The following DPP6 variants were observed in gnomAD, a reference collection of about 807,000 sequenced individuals.
DPP6 encodes dipeptidyl peptidase like 6, also known as A-type potassium channel modulatory protein DPP6.
A neutral mutation model predicts 122.6 loss-of-function variants in DPP6; 69 were observed. The observed-to-expected ratio is 0.56, with a 90% CI of 0.46 to 0.69. The LOEUF is 0.69. Ranked by LOEUF, DPP6 falls within the 30% of genes least tolerant of loss-of-function variation. DPP6 has a pLI of 0.00. For synonymous variants in DPP6, 418 were observed against 433.1 expected, an observed-to-expected ratio of 0.97 and a Z score of 0.43; for missense variants, 928 against 1,116.9, an observed-to-expected ratio of 0.83 and a Z score of 2.41.
chr7:154,747,554 G>A (rs1044314926), intron 8 of DPP6, among the ~76,000 whole-genome samples: 4 of 152,212 alleles, frequency 2.6e-5, no homozygotes, highest in Admixed American at 6.5e-5. Context: ...TGTGCGAATC[G>A]CCATACTGTG....
Position 154,014,881 on chromosome 7 carries a change from C to G in DPP6, c.51+127147C>G, listed in dbSNP as rs575771173. Among the ~76,000 whole-genome samples, 23 of 151,942 alleles carry G rather than the reference C, an allele frequency of 1.5e-4. No homozygotes were observed. The East Asian group carries it at 4.5e-3, about 30-fold the overall frequency. ...ACTAAGGATCCCATTAAAGGTCAAA[C>G]CATCTAATTCTTAATCTCACGGCAC... is the stretch of plus-strand genomic sequence containing the variant. On this transcript the variant is annotated intron_variant, in intron 1 of 25. Transcript: ENST00000404039.
chr7:154,540,232 G>C (rs1015580215), intron 3 of DPP6, among the ~76,000 whole-genome samples: 5 of 152,196 alleles, frequency 3.3e-5, no homozygotes, highest in African/African-American at 9.7e-5. Flanking sequence ...TGGCTCCTTG[G>C]AGTATCTGCT....
intron 8 of DPP6, among the ~76,000 whole-genome samples, chr7:154,729,305 G>T (rs1842221724): frequency 6.6e-6 from 1 of 152,132 alleles, no homozygotes; most frequent in Non-Finnish European, 1.5e-5. Flanking sequence ...GCTTTCTCAA[G>T]CCAGTATCAC....
intron 3 of DPP6, among the ~76,000 whole-genome samples, chr7:154,536,324 G>T (rs908245762): frequency 6.6e-6 from 1 of 152,116 alleles, no homozygotes; most frequent in African/African-American, 2.4e-5. Context: ...GGGCATAGAG[G>T]TCTTTCACAT....
intron 3 of DPP6, among the ~76,000 whole-genome samples, chr7:154,519,109 G>C (rs1296600819): frequency 6.6e-6 from 1 of 152,200 alleles, no homozygotes; most frequent in Non-Finnish European, 1.5e-5. Context: ...TTCAGATGAT[G>C]GGTTCTACCT....
At chr7:154,671,098 A>G (rs1026780418) in intron 7 of DPP6, among the ~76,000 whole-genome samples, 1 of 152,164 alleles carries the variant, frequency 6.6e-6, no homozygotes, top group African/African-American at 2.4e-5. Context: ...TTACACAGGG[A>G]AAAAAATGCA....
At chr7:153,925,569 T>G (rs1800858273) in intron 1 of DPP6, among the ~76,000 whole-genome samples, 1 of 151,888 alleles carries the variant, frequency 6.6e-6, no homozygotes, top group African/African-American at 2.4e-5. Flanking sequence ...CCACTCCATA[T>G]GGTGGAGGGT....
chr7:154,499,218 G>C (rs1480598099), intron 3 of DPP6, among the ~76,000 whole-genome samples: 1 of 152,204 alleles, frequency 6.6e-6, no homozygotes, highest in Non-Finnish European at 1.5e-5. Flanking sequence ...CATTAGAGAA[G>C]AAAGGAGTAA....
chr7:154,710,443 G>A (rs1445608704), intron 7 of DPP6, among the ~76,000 whole-genome samples: 3 of 152,248 alleles, frequency 2.0e-5, no homozygotes. Flanking sequence ...GGTTCTGAGT[G>A]CCAGAGTGTT....
chr7:153,776,927 A>G, the DPP6 span, among the ~76,000 whole-genome samples: 1 of 152,244 alleles, frequency 6.6e-6, no homozygotes, highest in African/African-American at 2.4e-5. Context: ...TAATTTTAAA[A>G]CTGTTGAAAG....
At chr7:154,565,037 G>A (rs1274553135) in intron 4 of DPP6, among the ~76,000 whole-genome samples, 2 of 152,216 alleles carry the variant, frequency 1.3e-5, no homozygotes, top group Non-Finnish European at 1.5e-5. Flanking sequence ...CAAGAAGGCT[G>A]TGAACGCCTT....
chr7:154,014,364 G>A (rs1486832287), intron 1 of DPP6, among the ~76,000 whole-genome samples: 1 of 145,310 alleles, frequency 6.9e-6, no homozygotes, highest in Non-Finnish European at 1.5e-5. Flanking sequence ...CGTTGTTCTG[G>A]TCAAAATAAT....
upstream of DPP6, among the ~76,000 whole-genome samples, chr7:153,885,009 T>C (rs976685987): frequency 1.4e-5 from 2 of 145,870 alleles, no homozygotes; most frequent in South Asian, 2.2e-4. Flanking sequence ...TATATATATA[T>C]ATATATATAT....
At chr7:154,525,512 G>A (rs1361934386) in intron 3 of DPP6, among the ~76,000 whole-genome samples, 1 of 152,132 alleles carries the variant, frequency 6.6e-6, no homozygotes, top group Non-Finnish European at 1.5e-5. Flanking sequence ...GAAAATCTTA[G>A]CTCCTAATAA....
At chr7:154,617,334 T>C (rs973885758) in intron 5 of DPP6, among the ~76,000 whole-genome samples, 2 of 152,232 alleles carry the variant, frequency 1.3e-5, no homozygotes, top group Non-Finnish European at 2.9e-5. Flanking sequence ...GGCAATTGTT[T>C]TTGTGTGCAG....
At position 154,794,102 on chromosome 7, in the gene DPP6, A is replaced by G; in HGVS notation, c.1160A>G (p.Lys387Arg). The G allele has an allele frequency of 6.2e-7, 1 of 1,613,682 alleles. No individual in the cohort carries two copies. The highest frequency in any genetic ancestry group is 1.6e-4 in the Middle Eastern group (1 of 6,062). Residue 387 changes from lysine (K) to arginine (R), a missense_variant, in exon 11 of 26, where the codon AAG becomes AGG. Transcript: ENST00000377770. ...RMREYYITMV[K>R]WATSTKVAVT... is the part of the protein sequence containing the mutation. The stretch of plus-strand genomic sequence containing the variant: ...AGGGAGTACTACATCACCATGGTGA[A>G]GTGGGCCACCAGCACCAAGGTCGCC...
At chr7:153,793,472 A>G in the DPP6 span, among the ~76,000 whole-genome samples, 30,774 of 109,870 alleles carry the variant, frequency 0.28, 1,768 homozygotes, top group Middle Eastern at 0.38. Context: ...AAGCAGCAAA[A>G]CATTCAAGAG....
chr7:154,715,680 C>G (rs529192543), intron 7 of DPP6, among the ~76,000 whole-genome samples: 10 of 152,140 alleles, frequency 6.6e-5, no homozygotes, highest in Non-Finnish European at 1.3e-4. Flanking sequence ...TTGATGTTCC[C>G]CTGGCTGTCA....
chr7:153,896,502 A>G (rs182287840), intron 1 of DPP6, among the ~76,000 whole-genome samples: 2 of 152,304 alleles, frequency 1.3e-5, no homozygotes, highest in Non-Finnish European at 1.5e-5. Context: ...GAATTAACAC[A>G]TGAACAATTT....
Sources: allele counts gnomAD v4.1 joint callset (sites outside exome capture counted in the v4.1 genomes callset), GRCh38; gene constraint gnomAD v4.1.1; transcripts MANE v1.5; gene names NCBI Gene and HGNC (gene_info 2026-07-23, HGNC 2026-07-21).